The following NRAP variants were observed in gnomAD, a reference collection of about 807,000 sequenced individuals.
NRAP encodes the protein nebulin related anchoring protein, also known as nebulin-related-anchoring protein.
In NRAP, 189 loss-of-function variants were observed where a neutral mutation model predicts 225.9. The observed-to-expected ratio is 0.84, with a 90% CI of 0.74 to 0.94. The LOEUF is 0.94. Ranked by LOEUF, NRAP falls within the 40% of genes least tolerant of loss-of-function variation. The pLI is 0.00. For synonymous variants in NRAP, 769 were observed against 790.7 expected, an observed-to-expected ratio of 0.97 and a Z score of 0.46; for missense variants, 2,176 against 2,168.7, an observed-to-expected ratio of 1.00 and a Z score of -0.07.
intron 14 of NRAP, among the ~76,000 whole-genome samples, chr10:113,637,120 T>C (rs1385847095): frequency 6.6e-6 from 1 of 152,200 alleles, no homozygotes; most frequent in African/African-American, 2.4e-5. Flanking sequence ...GTCTGGGTCT[T>C]GTATTCATTT....
Position 113,640,229 on chromosome 10 carries a change from C to A in NRAP, c.1426G>T (p.Asp476Tyr), listed in dbSNP as rs1259487965. Residue 476 changes from aspartate (D) to tyrosine (Y), a missense_variant and splice_region_variant, in exon 14 of 42, where the codon GAT (aspartate) becomes TAT (tyrosine). By Grantham distance (160) the Asp-to-Tyr change is radical. Coordinates refer to ENST00000359988, the MANE Select transcript of NRAP (RefSeq NM_198060.4). The part of the protein sequence containing the change: ...QTAMKLVPLK[D>Y]ANYRQSIDKL... ...AGAGCTGTTGGAAAAGAACTTACAT[C>A]TTTCAAGGGCACCAGTTTCATAGCT... The A allele has an allele frequency of 1.3e-6, 2 of 1,582,338 alleles. No individual in the cohort carries two copies. The highest frequency in any genetic ancestry group is 2.7e-5 in the African/African-American group (2 of 73,574).
intron 4 of NRAP, among the ~76,000 whole-genome samples, chr10:113,656,572 C>T (rs1269418059): frequency 2.6e-5 from 4 of 152,172 alleles, no homozygotes; most frequent in African/African-American, 9.7e-5. Flanking sequence ...TTTTCAATAA[C>T]AAGTAATACT....
At chr10:113,658,566 G>C (rs1592882612) in intron 3 of NRAP, among the ~76,000 whole-genome samples, 1 of 152,084 alleles carries the variant, frequency 6.6e-6, no homozygotes, top group East Asian at 1.9e-4. Flanking sequence ...AAATTTATTA[G>C]GTAGGAAGTG....
Position 113,610,257 on chromosome 10 carries a change from G to A in NRAP, c.3603+202C>T, listed in dbSNP as rs576344084. ...CTCAGCTACCTAGGAGGCTGAGGCA[G>A]GAGAATCGCTTGAACCCAGGAGACG... On this transcript the variant is annotated intron_variant, in intron 31 of 41. Transcript: ENST00000359988. Among the ~76,000 whole-genome samples, 91 of 151,658 alleles carry A rather than the reference G, an allele frequency of 6.0e-4. 1 individual carries two copies. Among genetic ancestry groups the A allele is most frequent in the African/African-American group, 2.2e-3 (89 of 41,316 alleles).
intron 14 of NRAP, among the ~76,000 whole-genome samples, chr10:113,635,998 T>C (rs1447142756): frequency 2.0e-5 from 3 of 152,226 alleles, no homozygotes; most frequent in Admixed American, 6.5e-5. Flanking sequence ...TCTGAATCTC[T>C]GTGCCCACGG....
rs769642130 is a variant in NRAP at position 113,589,098 on chromosome 10, C to G, written c.5089-19G>C. The G allele has an allele frequency of 1.2e-6, 2 of 1,607,160 alleles. No homozygotes were observed. Among genetic ancestry groups the G allele is most frequent in the Non-Finnish European group, 8.5e-7 (1 of 1,174,452 alleles). ...CCCCCCGCTGCTGAAATCAAACATA[C>G]CCCAAGTTAAAATGAAGCTCCCCCA... On this transcript the variant is annotated intron_variant, in intron 41 of 41. Coordinates refer to ENST00000359988, the MANE Select transcript of NRAP (RefSeq NM_198060.4).
intron 3 of NRAP, among the ~76,000 whole-genome samples, chr10:113,660,576 T>C (rs1347654466): frequency 6.6e-6 from 1 of 152,038 alleles, no homozygotes; most frequent in Non-Finnish European, 1.5e-5. Context: ...AAGAGGAAAA[T>C]AGTGTGTGAC....
chr10:113,615,573 A>C (rs1847604172), intron 27 of NRAP, 139 bp downstream of exon 27: 1 of 664,800 alleles, frequency 1.5e-6, no homozygotes, highest in African/African-American at 1.8e-5. Flanking sequence ...CCTTGTTCAA[A>C]AATATCACAT....
intron 3 of NRAP, among the ~76,000 whole-genome samples, chr10:113,659,441 G>C (rs1173335191): frequency 6.6e-6 from 1 of 152,102 alleles, no homozygotes; most frequent in East Asian, 1.9e-4. Flanking sequence ...AGAAACACAG[G>C]ACCAAAAGAC....
intron 40 of NRAP, 102 bp from the exon 41 acceptor site, chr10:113,589,899 T>G (rs1845853060): frequency 1.5e-6 from 2 of 1,318,266 alleles, no homozygotes; most frequent in Non-Finnish European, 2.1e-6. Flanking sequence ...TATGAGACTA[T>G]GTTGTCTGTC....
intron 3 of NRAP, among the ~76,000 whole-genome samples, chr10:113,661,120 T>C: frequency 6.6e-6 from 1 of 152,192 alleles, no homozygotes; most frequent in East Asian, 1.9e-4. Flanking sequence ...ATTAGGCTTC[T>C]CAGTAACCTA....
Position 113,590,796 on chromosome 10 carries a change from C to A in NRAP, c.4738G>T (p.Val1580Phe), listed in dbSNP as rs751527727. 4 of 1,614,092 alleles carry A rather than the reference C, an allele frequency of 2.5e-6. No individual in the cohort carries two copies. Among genetic ancestry groups the A allele is most frequent in the African/African-American group, 2.7e-5 (2 of 74,926 alleles). The change falls in exon 40 of 42, where the codon GTT becomes TTT. Residue 1580 changes from valine to phenylalanine, a missense_variant. Around this residue, in one of 3 missense-constraint regions of NRAP, gnomAD observed 445 missense variants for 426.1 expected, o/e 1.04. Transcript: ENST00000359988. ...DDPRMKHFLNVGRLQSDNEYK... is the reference protein window; with the variant it reads ...DDPRMKHFLNFGRLQSDNEYK... Reference sequence around the variant, plus strand: ...TCATTGTCACTCTGGAGCCTGCCAACGTTGAGGAAATGCTTCATCCTTGGG... The same window carrying A: ...TCATTGTCACTCTGGAGCCTGCCAAAGTTGAGGAAATGCTTCATCCTTGGG...
At chr10:113,640,855 A>G (rs1461673750) in intron 13 of NRAP, among the ~76,000 whole-genome samples, 1 of 152,210 alleles carries the variant, frequency 6.6e-6, no homozygotes, top group Non-Finnish European at 1.5e-5. Context: ...AGAGATTAAT[A>G]GAGTATATGC....
rs753056658 is a variant in NRAP at position 113,612,302 on chromosome 10, G to T, written c.3430C>A (p.Gln1144Lys). 3.7e-6 allele frequency: 6 copies of T among 1,614,046 alleles called. No individual in the cohort carries two copies. The Admixed American group carries it at 5.0e-5, about 13-fold the overall frequency. Reference sequence around the variant, plus strand: ...AGGTCTTCTGCCAAGGAAGTGTACTGGGGCAGTGGATGTTTGTAGTCCTGA... The same window carrying T: ...AGGTCTTCTGCCAAGGAAGTGTACTTGGGCAGTGGATGTTTGTAGTCCTGA... ...SNQDYKHPLP[Q>K]YTSLAEDLRL... Residue 1144 changes from glutamine (Q) to lysine (K), a missense_variant, in exon 30 of 42, where the codon CAG (glutamine) becomes AAG (lysine). This residue lies in a region of NRAP where 1,708 missense variants were observed against 1,695.5 expected (regional missense o/e 1.01). Coordinates refer to ENST00000359988, the MANE Select transcript of NRAP (RefSeq NM_198060.4).
intron 3 of NRAP, among the ~76,000 whole-genome samples, chr10:113,661,946 A>G (rs1031237054): frequency 2.0e-5 from 3 of 152,236 alleles, no homozygotes; most frequent in African/African-American, 7.2e-5. Context: ...CCAACTACGT[A>G]AGCATTGTTT....
rs1231844848 is a variant in NRAP, at chr10:113,597,111, T to C, written c.4406A>G (p.Lys1469Arg). ...VVDSPDLVHA[K>R]NSYMHCNERM... is the part of the protein sequence containing the mutation. ...CTCATTGCAGTGCATATAGCTGTTCTTGGCATGAACCAGGTCTGGGGAGTC... is the reference window on the plus strand; with the variant it reads ...CTCATTGCAGTGCATATAGCTGTTCCTGGCATGAACCAGGTCTGGGGAGTC... The change falls in exon 37 of 42, where the codon AAG (lysine) becomes AGG (arginine). Residue 1469 changes from lysine (K) to arginine (R), a missense_variant. By Grantham distance (26) the Lys-to-Arg change is conservative (BLOSUM62 2). This residue lies in a region of NRAP where 445 missense variants were observed against 426.1 expected (regional missense o/e 1.04). Coordinates refer to ENST00000359988, the MANE Select transcript of NRAP (RefSeq NM_198060.4). 1 of 1,613,492 alleles carries C rather than the reference T, an allele frequency of 6.2e-7. No homozygotes were observed. Among genetic ancestry groups the C allele is most frequent in the Admixed American group, 1.7e-5 (1 of 60,010 alleles).
intron 31 of NRAP, among the ~76,000 whole-genome samples, chr10:113,609,166 A>G (rs1208789210): frequency 6.6e-6 from 1 of 152,160 alleles, no homozygotes; most frequent in African/African-American, 2.4e-5. Context: ...TCAAATAAAT[A>G]AATAAATAAA....
intron 35 of NRAP, among the ~76,000 whole-genome samples, chr10:113,604,157 C>T (rs1246384585): frequency 2.0e-5 from 3 of 152,106 alleles, no homozygotes; most frequent in Non-Finnish European, 4.4e-5. Flanking sequence ...TGTGCTGTCA[C>T]CCAGGCTGGA....
rs1315507626 is a variant in NRAP at position 113,650,453 on chromosome 10, A to T, written c.768T>A (p.Asn256Lys). ...TPAYQIAKRANELASDVRYHQ... is the reference protein window; with the variant it reads ...TPAYQIAKRAKELASDVRYHQ... ...GGACACTTACATCACTTGCCAGCTC[A>T]TTGGCTCTTTTGGCTATCTGATAGG... Residue 256 changes from asparagine to lysine, a missense_variant, in exon 8 of 42, where the codon AAT (asparagine) becomes AAA (lysine). Physicochemically the swap from Asn to Lys is moderately conservative, Grantham distance 94 (BLOSUM62 0). This residue lies in a region of NRAP where 1,708 missense variants were observed against 1,695.5 expected (regional missense o/e 1.01). Coordinates refer to ENST00000359988, the MANE Select transcript of NRAP (RefSeq NM_198060.4). The T allele has an allele frequency of 1.9e-6, 3 of 1,612,396 alleles. No individual in the cohort carries two copies. The African/African-American group carries it at 4.0e-5, about 22-fold the overall frequency.
Sources: gnomAD v4.1 joint callset for allele counts (sites outside exome capture counted in the v4.1 genomes callset) on GRCh38, gnomAD v4.1.1 for gene constraint, gnomAD v4.1.1 regional missense constraint, MANE v1.5 for transcripts, NCBI Gene and HGNC (gene_info 2026-07-23, HGNC 2026-07-21) for gene names.